ARHGEF10: variants seen among roughly 807,000 people sequenced by gnomAD.
The protein encoded by ARHGEF10 is Rho guanine nucleotide exchange factor (GEF) 10.
ARHGEF10 carries 140 observed loss-of-function variants against 147.4 expected under a neutral mutation model. That is an observed-to-expected ratio of 0.95 (90% CI 0.83 to 1.09). The LOEUF (loss-of-function observed/expected upper bound fraction) is 1.09, where lower values mean the gene tolerates loss of function less well. ARHGEF10 is among the 50% of genes least tolerant of loss of function. ARHGEF10 has a pLI of 0.00. For synonymous variants in ARHGEF10, 902 were observed against 695.8 expected, an observed-to-expected ratio of 1.30 and a Z score of -4.67; for missense variants, 2,222 against 1,752.7, an observed-to-expected ratio of 1.27 and a Z score of -4.78.
intron 1 of ARHGEF10, among the ~76,000 whole-genome samples, chr8:1,826,999 C>T (rs1802809238): frequency 6.6e-6 from 1 of 152,204 alleles, no homozygotes; most frequent in South Asian, 2.1e-4. Context: ...GTGGGCCAGG[C>T]CCAGGGGCTG....
At chr8:1,873,609 GC>G (rs148855911) in intron 7 of ARHGEF10, among the ~76,000 whole-genome samples, 33 of 99,180 alleles carry the variant, frequency 3.3e-4, no homozygotes, top group East Asian at 2.3e-3. Flanking sequence ...CTTGAGAGGT[GC>G]CCGCGGGGTA....
chr8:1,858,780 G>C (rs1207794959), intron 3 of ARHGEF10: 2 of 126,210 alleles, frequency 1.6e-5, no homozygotes, highest in Non-Finnish European at 3.4e-5. Context: ...CTCTCAGTTT[G>C]GCAGCGTTCC....
At chr8:1,894,656 C>A in intron 13 of ARHGEF10, 84 bp downstream of exon 13, 2 of 1,475,522 alleles carry the variant, frequency 1.4e-6, no homozygotes, top group Non-Finnish European at 1.9e-6. Flanking sequence ...TGTTTTGCCC[C>A]TGATCTCCTG....
rs1392641974 is a variant in ARHGEF10 at position 1,948,525 on chromosome 8, C to T, written c.3397+2870C>T. ...TGGTCTGCTGCCACCGTGGCCTTGT[C>T]AGCAGGAGAAAGGTACACGGGTTAG... is the stretch of plus-strand genomic sequence containing the variant. On this transcript the variant is annotated intron_variant, in intron 27 of 28. Transcript: ENST00000349830. The surrounding 1 kb of genome is among the most constrained non-coding windows in gnomAD (Gnocchi z 4.9). Among the ~76,000 whole-genome samples, 2 of 152,214 alleles carry T rather than the reference C, an allele frequency of 1.3e-5. No individual in the cohort carries two copies. The highest frequency in any genetic ancestry group is 2.9e-5 in the Non-Finnish European group (2 of 68,040).
intron 1 of ARHGEF10, among the ~76,000 whole-genome samples, chr8:1,830,335 T>C (rs1803018784): frequency 7.5e-6 from 1 of 133,274 alleles, no homozygotes; most frequent in African/African-American, 2.8e-5. Flanking sequence ...GTGGCTTCTG[T>C]CCAGCATCCA....
chr8:1,846,084 C>A (rs1227172898), intron 2 of ARHGEF10, among the ~76,000 whole-genome samples: 1 of 152,248 alleles, frequency 6.6e-6, no homozygotes, highest in East Asian at 1.9e-4. Flanking sequence ...GAATGTGGAG[C>A]TCTCCACAGT....
intron 27 of ARHGEF10, 67 bp from the exon 28 acceptor site, chr8:1,952,638 C>A: frequency 6.2e-7 from 1 of 1,601,466 alleles, no homozygotes; most frequent in African/African-American, 1.3e-5. Context: ...TTTCCAGCAC[C>A]CCGTCACCGC....
intron 18 of ARHGEF10, among the ~76,000 whole-genome samples, chr8:1,911,974 A>C (rs1811391886): frequency 6.6e-6 from 1 of 152,212 alleles, no homozygotes; most frequent in Non-Finnish European, 1.5e-5. Flanking sequence ...TCTCATTCTC[A>C]GTCGATAGTC....
At chr8:1,869,020 A>G (rs1806856759) in intron 6 of ARHGEF10, among the ~76,000 whole-genome samples, 174 bp from the exon 7 acceptor site, 1 of 151,970 alleles carries the variant, frequency 6.6e-6, no homozygotes, top group African/African-American at 2.4e-5. Flanking sequence ...TACAGCCCTC[A>G]TTGTCTACTA....
intron 4 of ARHGEF10, among the ~76,000 whole-genome samples, chr8:1,860,524 C>G (rs971826443): frequency 9.9e-5 from 15 of 152,190 alleles, no homozygotes; most frequent in Admixed American, 9.2e-4. Context: ...GACCTTCCCC[C>G]TGCCCCCACC....
In ARHGEF10 at chr8:1,898,490, A is replaced by G. The variant is rs2129166362; in HGVS notation, c.1615A>G (p.Ile539Val). The G allele has an allele frequency of 6.2e-7, 1 of 1,614,120 alleles. No individual in the cohort carries two copies. The highest frequency in any genetic ancestry group is 2.2e-5 in the East Asian group (1 of 44,858). The change falls in exon 15 of 29, where the codon ATC becomes GTC. Residue 539 changes from isoleucine (I) to valine (V), a missense_variant. Transcript: ENST00000349830. ...TTLYSLMMKP[I>V]QRFPQFILLL... is the part of the protein sequence containing the mutation. ...GCTCTACAGCCTGATGATGAAGCCC[A>G]TCCAGAGGTTCCCACAGTTCATCCT...
In ARHGEF10 at chr8:1,913,385, C is replaced by G. The variant is rs112905812; in HGVS notation, c.2143+3915C>G. Among the ~76,000 whole-genome samples the G allele has an allele frequency of 5.5e-3, 832 of 152,260 alleles. 6 individuals are homozygous for G. The highest frequency in any genetic ancestry group is 0.019 in the African/African-American group (775 of 41,566). ...TAAAATGTTTAGAGAAATGTGAGTA[C>G]AACTTGAATCTACTTGAAAGGAAAC... On this transcript the variant is annotated intron_variant, in intron 18 of 28. Coordinates refer to ENST00000349830, the MANE Select transcript of ARHGEF10 (RefSeq NM_014629.4).
chr8:1,841,263 T>C (rs201023493), intron 1 of ARHGEF10, among the ~76,000 whole-genome samples: 1 of 94,422 alleles, frequency 1.1e-5, no homozygotes, highest in Admixed American at 1.0e-4. Context: ...AAAGCTAGGG[T>C]AAAAGTAATC....
chr8:1,859,858 G>T, intron 3 of ARHGEF10, 39 bp from the exon 4 acceptor site: 1 of 1,612,666 alleles, frequency 6.2e-7, no homozygotes. Context: ...CCATGCCCTT[G>T]GTGATGTGTC....
At chr8:1,857,835 C>A in intron 2 of ARHGEF10, 125 bp from the exon 3 acceptor site, 1 of 894,554 alleles carries the variant, frequency 1.1e-6, no homozygotes, top group Non-Finnish European at 1.8e-6. Context: ...CGCAGTACAG[C>A]ACAGAGGAAC....
intron 10 of ARHGEF10, among the ~76,000 whole-genome samples, chr8:1,884,555 G>C (rs140234183): frequency 2.7e-3 from 412 of 152,224 alleles, no homozygotes; most frequent in African/African-American, 9.2e-3. Context: ...CTCCTTCCCT[G>C]GCTGATCCGT....
chr8:1,832,454 ACAGAGG>A (rs1172810202), intron 1 of ARHGEF10, among the ~76,000 whole-genome samples: 8 of 149,044 alleles, frequency 5.4e-5, no homozygotes, highest in Non-Finnish European at 8.9e-5. Flanking sequence ...AGAGACAGAG[ACAGAGG>A]CAGAGACAGA....
At chr8:1,864,476 C>T (rs1486994240) in intron 5 of ARHGEF10, 40 bp downstream of exon 5, 1 of 1,593,488 alleles carries the variant, frequency 6.3e-7, no homozygotes, top group Admixed American at 1.7e-5. Context: ...GAATTCCCGC[C>T]TTTCTCCTGA....
intron 2 of ARHGEF10, among the ~76,000 whole-genome samples, chr8:1,844,330 A>G (rs1368838991): frequency 4.0e-5 from 1 of 25,234 alleles, no homozygotes; most frequent in African/African-American, 1.0e-4. Flanking sequence ...TTCATAAGCA[A>G]GTCAGTCACC....
Sources: allele counts gnomAD v4.1 joint callset (sites outside exome capture counted in the v4.1 genomes callset), GRCh38; gene constraint gnomAD v4.1.1; non-coding constraint Gnocchi (gnomAD v3.1); transcripts MANE v1.5; gene names NCBI Gene and HGNC (gene_info 2026-07-23, HGNC 2026-07-21).